Variants in PLCB1 observed in about 807,000 individuals in gnomAD.
PLCB1 encodes the protein 1-phosphatidylinositol 4,5-bisphosphate phosphodiesterase beta-1.
PLCB1 carries 46 observed loss-of-function variants against 161.8 expected under a neutral mutation model. That is an observed-to-expected ratio of 0.28 (90% CI 0.22 to 0.36). The LOEUF (loss-of-function observed/expected upper bound fraction) is 0.36, where lower values mean the gene tolerates loss of function less well. Ranked by LOEUF, PLCB1 falls within the 10% of genes least tolerant of loss-of-function variation. The pLI, the probability that PLCB1 is intolerant of heterozygous loss-of-function variation, is 1.00. For synonymous variants in PLCB1, 517 were observed against 503.7 expected (o/e 1.03, Z -0.35); for missense variants, 1,016 against 1,472.5 (o/e 0.69, Z 5.07).
intron 31 of PLCB1, among the ~76,000 whole-genome samples, chr20:8,874,253 C>CACACAT (rs762982513): frequency 2.9e-5 from 2 of 69,816 alleles, no homozygotes; most frequent in African/African-American, 1.1e-4. Context: ...CACACACACA[C>CACACAT]ACGCACAACA....
intron 2 of PLCB1, among the ~76,000 whole-genome samples, chr20:8,151,679 G>GT (rs1321993297): frequency 2.6e-5 from 4 of 152,094 alleles, no homozygotes; most frequent in Non-Finnish European, 4.4e-5. Context: ...TTTTTTGGGT[G>GT]TTTTTTTCTT....
chr20:8,757,283 A>G, intron 24 of PLCB1, 105 bp downstream of exon 24: 2 of 1,240,468 alleles, frequency 1.6e-6, no homozygotes, highest in Non-Finnish European at 2.2e-6. Context: ...TCAAGTGGGG[A>G]AAGATGTGTG....
intron 3 of PLCB1, among the ~76,000 whole-genome samples, chr20:8,600,323 G>A (rs1218909088): frequency 6.1e-5 from 6 of 98,850 alleles, no homozygotes; most frequent in African/African-American, 2.5e-4. Flanking sequence ...CTAACAGACA[G>A]GACCCTCAGC....
At chr20:8,335,899 G>T (rs1175842631) in intron 2 of PLCB1, among the ~76,000 whole-genome samples, 2 of 152,186 alleles carry the variant, frequency 1.3e-5, no homozygotes, top group African/African-American at 4.8e-5. Flanking sequence ...CTGGAGAATA[G>T]CTGACTGCCT....
At chr20:8,775,498 T>C (rs1982899369) in intron 27 of PLCB1, among the ~76,000 whole-genome samples, 1 of 152,218 alleles carries the variant, frequency 6.6e-6, no homozygotes. Context: ...TCTATTTCTT[T>C]GCTGAGGGTC....
At chr20:8,196,677 T>A (rs1193671099) in intron 2 of PLCB1, among the ~76,000 whole-genome samples, 2 of 149,828 alleles carry the variant, frequency 1.3e-5, no homozygotes, top group East Asian at 1.9e-4. Context: ...ATATATATAT[T>A]TTTAATTATA....
At chr20:8,840,848 G>A (rs6140746) in intron 31 of PLCB1, among the ~76,000 whole-genome samples, 48,523 of 151,606 alleles carry the variant, frequency 0.32, 8,741 homozygotes, top group East Asian at 0.63. Context: ...ATGGAGTTTT[G>A]CTCTTGTCAC....
At chr20:8,810,201 G>A (rs1274466296) in intron 31 of PLCB1, among the ~76,000 whole-genome samples, 2 of 151,984 alleles carry the variant, frequency 1.3e-5, no homozygotes, top group South Asian at 2.1e-4. Context: ...ACTCACATTC[G>A]ACCTTTTATT....
intron 2 of PLCB1, among the ~76,000 whole-genome samples, chr20:8,210,664 T>G (rs1192163528): frequency 6.6e-6 from 1 of 152,142 alleles, no homozygotes; most frequent in African/African-American, 2.4e-5. Flanking sequence ...AGGAAAGCTT[T>G]TATCTGAAGT....
chr20:8,341,175 T>A, intron 2 of PLCB1, among the ~76,000 whole-genome samples: 1 of 152,152 alleles, frequency 6.6e-6, no homozygotes, highest in East Asian at 1.9e-4. Context: ...TGGTTAGTAC[T>A]TCCTCATCAC....
chr20:8,275,246 C>CGTGTGTGTGTGTGT (rs1209090719), intron 2 of PLCB1, among the ~76,000 whole-genome samples: 3 of 50,870 alleles, frequency 5.9e-5, no homozygotes, highest in Non-Finnish European at 1.1e-4. Context: ...TTTGCATCAG[C>CGTGTGTGTGTGTGT]GTGAGTGTGT....
chr20:8,628,706 G>A (rs527292260), intron 4 of PLCB1: 21 of 297,414 alleles, frequency 7.1e-5, no homozygotes, highest in Non-Finnish European at 1.2e-4. Context: ...AGGCCGAGGC[G>A]GACAGATCAC....
intron 3 of PLCB1, among the ~76,000 whole-genome samples, chr20:8,405,327 T>C (rs916474624): frequency 1.3e-5 from 2 of 152,206 alleles, no homozygotes; most frequent in African/African-American, 2.4e-5. Context: ...AGCACTCTTC[T>C]GGTTTCTCCA....
chr20:8,816,095 T>G (rs1324975875), intron 31 of PLCB1, among the ~76,000 whole-genome samples: 1 of 151,880 alleles, frequency 6.6e-6, no homozygotes, highest in Non-Finnish European at 1.5e-5. Context: ...AATAAATAAT[T>G]AAAAGCAAAC....
At chr20:8,353,161 A>G (rs2122266833) in intron 2 of PLCB1, among the ~76,000 whole-genome samples, 1 of 152,264 alleles carries the variant, frequency 6.6e-6, no homozygotes, top group Non-Finnish European at 1.5e-5. Context: ...GCATCTAACA[A>G]TGCCAGGAAG....
At chr20:8,381,911 T>C (rs996827180) in intron 3 of PLCB1, among the ~76,000 whole-genome samples, 2 of 152,172 alleles carry the variant, frequency 1.3e-5, no homozygotes, top group African/African-American at 4.8e-5. Flanking sequence ...GCTCCTGGAT[T>C]CATTGATTTT....
intron 2 of PLCB1, among the ~76,000 whole-genome samples, chr20:8,157,828 A>G (rs1467750836): frequency 1.3e-5 from 2 of 152,220 alleles, no homozygotes; most frequent in African/African-American, 4.8e-5. Context: ...TTTTTAGAGT[A>G]GAAATGCATT....
At chr20:8,440,605 A>G (rs560937084) in intron 3 of PLCB1, among the ~76,000 whole-genome samples, 1 of 152,284 alleles carries the variant, frequency 6.6e-6, no homozygotes, top group South Asian at 2.1e-4. Context: ...GAAAGTTTGT[A>G]TATTATGGCT....
rs115596690 is a variant in PLCB1, at chr20:8,212,495, A to G, written c.177+62124A>G. Among the ~76,000 whole-genome samples, 1,445 of 148,114 alleles carry G rather than the reference A, an allele frequency of 9.8e-3. 24 individuals carry two copies. The highest frequency in any genetic ancestry group is 0.031 in the African/African-American group (1,228 of 39,918). ...TCTGCTCTGTGACCTTTTTCAAGTA[A>G]ACATGTCTCTGAGTCACTTTGTTAC... On this transcript the variant is annotated intron_variant, in intron 2 of 31. Transcript: ENST00000338037.
Sources: gnomAD v4.1 joint callset for allele counts (sites outside exome capture counted in the v4.1 genomes callset) on GRCh38, gnomAD v4.1.1 for gene constraint, MANE v1.5 for transcripts, NCBI Gene and HGNC (gene_info 2026-07-23, HGNC 2026-07-21) for gene names.